The following RBFOX1 variants were observed in gnomAD, a reference collection of about 807,000 sequenced individuals.
The protein encoded by RBFOX1 is RNA binding fox-1 homolog 1, also known as RNA binding protein fox-1 homolog 1.
In RBFOX1, 8 loss-of-function variants were observed where a neutral mutation model predicts 57.7. That is an observed-to-expected ratio of 0.14 (90% CI 0.08 to 0.25). The LOEUF is 0.25. Among genes scored for constraint, RBFOX1 ranks in the 10% least tolerant of loss-of-function variants. The pLI is 1.00. For missense variants in RBFOX1, 611 were observed against 548.5 expected (o/e 1.11, Z -1.14); for synonymous variants, 326 against 222.4 (o/e 1.47, Z -4.15).
intron 2 of RBFOX1, among the ~76,000 whole-genome samples, chr16:5,586,807 C>T (rs1051314155): frequency 6.6e-6 from 1 of 152,160 alleles, no homozygotes; most frequent in Non-Finnish European, 1.5e-5. Context: ...CCCATTACCC[C>T]CAGTTTTACA....
intron 11 of RBFOX1, among the ~76,000 whole-genome samples, chr16:7,638,281 T>C (rs562076740): frequency 1.3e-5 from 2 of 152,290 alleles, no homozygotes; most frequent in East Asian, 1.9e-4. Flanking sequence ...ATAGGACAGG[T>C]ATGATTAATT....
chr16:6,779,909 T>A (rs867284525), intron 3 of RBFOX1, among the ~76,000 whole-genome samples: 10 of 23,436 alleles, frequency 4.3e-4, no homozygotes, highest in Admixed American at 1.8e-3. Flanking sequence ...TTATATATAT[T>A]TATATATTTA....
chr16:7,095,437 T>C (rs1300690951), intron 4 of RBFOX1, among the ~76,000 whole-genome samples: 2 of 152,220 alleles, frequency 1.3e-5, no homozygotes, highest in African/African-American at 4.8e-5. Context: ...TGCGGCCAGC[T>C]TAGAATGTTC....
At chr16:7,167,393 G>A (rs1904225) in intron 4 of RBFOX1, among the ~76,000 whole-genome samples, 135,030 of 151,842 alleles carry the variant, frequency 0.89, 60,103 homozygotes, top group East Asian at 0.98. Flanking sequence ...TAAGAGAAAT[G>A]GAGGGAGATT....
intron 2 of RBFOX1, among the ~76,000 whole-genome samples, chr16:6,522,053 G>C (rs2096510766): frequency 6.6e-6 from 1 of 152,144 alleles, no homozygotes; most frequent in Non-Finnish European, 1.5e-5. Flanking sequence ...AGATTTGGCA[G>C]AGTAAAAACG....
intron 1 of RBFOX1, among the ~76,000 whole-genome samples, chr16:5,329,636 A>C (rs531707656): frequency 3.9e-5 from 6 of 152,336 alleles, no homozygotes; most frequent in African/African-American, 1.2e-4. Context: ...TAACAAAATA[A>C]CATTAATTAG....
intron 1 of RBFOX1, among the ~76,000 whole-genome samples, chr16:6,262,133 C>G (rs558755440): frequency 1.6e-4 from 25 of 152,246 alleles, no homozygotes; most frequent in African/African-American, 6.0e-4. Flanking sequence ...GACTTCCCTT[C>G]TATTGCGGTA....
rs190432871 is a variant in RBFOX1 at position 7,311,576 on chromosome 16, T to C, written c.28-206571T>C. Among the ~76,000 whole-genome samples, 692 of 152,126 alleles carry C rather than the reference T, an allele frequency of 4.5e-3. 2 individuals carry two copies. Among genetic ancestry groups the C allele is most frequent in the African/African-American group, 0.016 (649 of 41,468 alleles). Reference sequence around the variant, plus strand: ...AACAGTAACAAACATCCCCGGTTTTTCCCTTCCATAGATCAGCTTCCTCTT... The same window carrying C: ...AACAGTAACAAACATCCCCGGTTTTCCCCTTCCATAGATCAGCTTCCTCTT... On this transcript the variant is annotated intron_variant, in intron 4 of 15. Coordinates refer to ENST00000550418, the MANE Select transcript of RBFOX1 (RefSeq NM_018723.4).
intron 3 of RBFOX1, among the ~76,000 whole-genome samples, chr16:5,759,647 C>G (rs1334305666): frequency 6.6e-6 from 1 of 152,110 alleles, no homozygotes; most frequent in African/African-American, 2.4e-5. Context: ...AAGCAAAGCT[C>G]TCATGCTGAT....
intron 4 of RBFOX1, among the ~76,000 whole-genome samples, chr16:7,449,120 G>T (rs372806794): frequency 6.6e-6 from 1 of 151,700 alleles, no homozygotes; most frequent in South Asian, 2.1e-4. Flanking sequence ...GTAGAGACGG[G>T]GTTTCTCCAT....
chr16:6,291,831 G>A (rs2077496646), intron 1 of RBFOX1, among the ~76,000 whole-genome samples: 1 of 152,084 alleles, frequency 6.6e-6, no homozygotes, highest in African/African-American at 2.4e-5. Flanking sequence ...TGTCTCCCAG[G>A]CACATGTTCT....
At chr16:7,411,310 T>C (rs979414964) in intron 4 of RBFOX1, among the ~76,000 whole-genome samples, 5 of 152,178 alleles carry the variant, frequency 3.3e-5, no homozygotes, top group Admixed American at 1.3e-4. Flanking sequence ...GCAAGAGCCA[T>C]CAGGTCTCAT....
At chr16:6,440,414 A>C (rs1294807561) in intron 2 of RBFOX1, among the ~76,000 whole-genome samples, 1 of 152,080 alleles carries the variant, frequency 6.6e-6, no homozygotes. Flanking sequence ...TGTCCAGGGG[A>C]ATCTGGGTAC....
At chr16:6,569,318 T>C (rs189156429) in intron 2 of RBFOX1, among the ~76,000 whole-genome samples, 134 of 152,342 alleles carry the variant, frequency 8.8e-4, no homozygotes, top group Middle Eastern at 3.4e-3. Flanking sequence ...TGCTGTAGAA[T>C]AGGATCCTAG....
In RBFOX1 at chr16:6,585,773, A is replaced by G. The variant is rs184588225; in HGVS notation, c.-63-68830A>G. On this transcript the variant is annotated intron_variant, in intron 2 of 15. Coordinates refer to ENST00000550418, the MANE Select transcript of RBFOX1 (RefSeq NM_018723.4). The stretch of plus-strand genomic sequence containing the variant: ...TTTGCTGGTCATCACAGCAAAACTA[A>G]TTTAGTTTTTTTCTTCTTTCTTTCT... Among the ~76,000 whole-genome samples the G allele has an allele frequency of 7.5e-3, 962 of 128,382 alleles. 6 individuals carry two copies. Among genetic ancestry groups the G allele is most frequent in the Non-Finnish European group, 0.013 (699 of 54,140 alleles). The allele number at this position is 128,382 out of a possible 152,430, so 84.2% of individuals were successfully genotyped here.
intron 10 of RBFOX1, among the ~76,000 whole-genome samples, chr16:7,610,118 C>CTGTTTTTTTTTTTTT (rs2057155860): frequency 1.5e-5 from 1 of 65,622 alleles, no homozygotes; most frequent in Non-Finnish European, 2.5e-5. Context: ...GCCCGGCCCC[C>CTGTTTTTTTTTTTTT]TTTTTTTTTT....
chr16:6,249,530 A>G (rs2152941631), intron 1 of RBFOX1, among the ~76,000 whole-genome samples: 1 of 152,232 alleles, frequency 6.6e-6, no homozygotes, highest in Non-Finnish European at 1.5e-5. Context: ...TCTCAAAAAA[A>G]CAAACAAACA....
chr16:5,457,727 C>T (rs2068672848), intron 1 of RBFOX1, among the ~76,000 whole-genome samples: 1 of 152,178 alleles, frequency 6.6e-6, no homozygotes, highest in African/African-American at 2.4e-5. Flanking sequence ...GGTTAGGTGC[C>T]CTGCTGGGGC....
intron 14 of RBFOX1, among the ~76,000 whole-genome samples, chr16:7,705,533 T>G (rs1054506216): frequency 1.3e-5 from 2 of 152,126 alleles, no homozygotes; most frequent in Non-Finnish European, 2.9e-5. Flanking sequence ...AAAAATCCTA[T>G]GTGCCTGGAG....
Sources: allele counts gnomAD v4.1 joint callset (sites outside exome capture counted in the v4.1 genomes callset), GRCh38; gene constraint gnomAD v4.1.1; transcripts MANE v1.5; gene names NCBI Gene and HGNC (gene_info 2026-07-23, HGNC 2026-07-21).